ELP4: variants seen among roughly 807,000 people sequenced by gnomAD.
ELP4 encodes the protein elongator acetyltransferase complex subunit 4.
Under a neutral mutation model 48.9 loss-of-function variants are expected in ELP4, and 51 were observed. That is an observed-to-expected ratio of 1.04 (90% CI 0.83 to 1.32). The LOEUF is 1.32. ELP4 is among the 40% of genes most tolerant of loss of function. ELP4 has a pLI of 0.00. For synonymous variants in ELP4, 210 were observed against 189.2 expected (o/e 1.11, Z -0.90); for missense variants, 519 against 514.6 (o/e 1.01, Z -0.08).
In ELP4 at chr11:31,668,526, A is replaced by G. The variant is rs1945727601; in HGVS notation, c.1143+18305A>G. Among the ~76,000 whole-genome samples the G allele has an allele frequency of 4.1e-5, 6 of 147,796 alleles. 1 individual carries two copies. The Admixed American group carries it at 4.1e-4, about 10-fold the overall frequency. ...TTTCCCCAAGAGACAAGGGCTGGCT[A>G]TGTTGCCCAGGCTTGACTCAAACTC... On this transcript the variant is annotated intron_variant, in intron 9 of 9. Coordinates refer to ENST00000640961, the MANE Select transcript of ELP4 (RefSeq NM_019040.5).
At chr11:31,514,641 G>A (rs1267825269) in intron 1 of ELP4, among the ~76,000 whole-genome samples, 1 of 152,098 alleles carries the variant, frequency 6.6e-6, no homozygotes, top group African/African-American at 2.4e-5. Context: ...ATTGTATTGG[G>A]AAAAGATATT....
chr11:31,757,546 C>T (rs533875375), intron 9 of ELP4, among the ~76,000 whole-genome samples: 3 of 152,196 alleles, frequency 2.0e-5, no homozygotes, highest in East Asian at 1.9e-4. Flanking sequence ...TTCAGCTTGC[C>T]GTGTTTCTTT....
chr11:31,677,364 C>T (rs1332058521), intron 9 of ELP4, among the ~76,000 whole-genome samples: 1 of 152,134 alleles, frequency 6.6e-6, no homozygotes, highest in Admixed American at 6.5e-5. Context: ...GAAAGGAGAA[C>T]TTGCAGACTG....
chr11:31,659,761 A>G (rs911951844), intron 9 of ELP4, among the ~76,000 whole-genome samples: 1 of 151,960 alleles, frequency 6.6e-6, no homozygotes, highest in Non-Finnish European at 1.5e-5. Context: ...GCCGAGGTAG[A>G]TGGATCACTT....
chr11:31,575,919 G>T (rs943993443), intron 3 of ELP4, among the ~76,000 whole-genome samples: 4 of 152,070 alleles, frequency 2.6e-5, no homozygotes, highest in Admixed American at 2.6e-4. Context: ...AATAATGACA[G>T]GATCAAATTC....
intron 3 of ELP4, among the ~76,000 whole-genome samples, chr11:31,558,241 T>TA (rs199571622): frequency 4.0e-5 from 6 of 150,652 alleles, no homozygotes; most frequent in Non-Finnish European, 5.9e-5. Context: ...GTAAAAAGAC[T>TA]AAAAAAAAAC....
intron 1 of ELP4, 136 bp from the exon 2 acceptor site, chr11:31,519,920 C>G (rs1956184944): frequency 1.5e-6 from 1 of 667,652 alleles, no homozygotes; most frequent in Admixed American, 3.1e-5. Context: ...CAAAGTATTG[C>G]AAAGGTAATT....
intron 9 of ELP4, among the ~76,000 whole-genome samples, chr11:31,728,450 T>G (rs971977899): frequency 4.6e-5 from 7 of 152,152 alleles, no homozygotes; most frequent in Non-Finnish European, 8.8e-5. Context: ...AGTACCCTAA[T>G]TGTGACAAAC....
At chr11:31,560,398 A>G (rs1217950295) in intron 3 of ELP4, among the ~76,000 whole-genome samples, 1 of 152,028 alleles carries the variant, frequency 6.6e-6, no homozygotes, top group Non-Finnish European at 1.5e-5. Flanking sequence ...TTTAGTTCAT[A>G]TTCAATAGGG....
At chr11:31,706,362 G>A (rs958288372) in intron 9 of ELP4, among the ~76,000 whole-genome samples, 4 of 151,574 alleles carry the variant, frequency 2.6e-5, no homozygotes, top group African/African-American at 9.7e-5. Context: ...AGACATGGTG[G>A]CTCATGCCTA....
intron 9 of ELP4, among the ~76,000 whole-genome samples, chr11:31,751,769 C>T (rs189300080): frequency 6.6e-6 from 1 of 152,210 alleles, no homozygotes; most frequent in African/African-American, 2.4e-5. Flanking sequence ...CTCTAATGTT[C>T]CCTGTCTCAA....
chr11:31,718,822 A>G (rs1231961875), intron 9 of ELP4, among the ~76,000 whole-genome samples: 1 of 152,246 alleles, frequency 6.6e-6, no homozygotes, highest in East Asian at 1.9e-4. Context: ...AAGCTATCAC[A>G]TCTGCCGTAC....
At position 31,510,020 on chromosome 11, in the gene ELP4, C is replaced by T. The variant is rs1185534394; in HGVS notation, c.223+13C>T. On this transcript the variant is annotated intron_variant, in intron 1 of 9. Coordinates refer to ENST00000640961, the MANE Select transcript of ELP4 (RefSeq NM_019040.5). ...GACCAGCTCTTAGGTCGGTTCAGAG[C>T]GGAGATCTGGGCTCAGCCGAGGGGA... 6.2e-7 allele frequency: 1 copy of T among 1,604,656 alleles called. No individual in the cohort carries two copies. The highest frequency in any genetic ancestry group is 8.5e-7 in the Non-Finnish European group (1 of 1,175,202).
intron 3 of ELP4, among the ~76,000 whole-genome samples, chr11:31,545,938 G>A (rs902972538): frequency 6.6e-5 from 10 of 151,646 alleles, no homozygotes; most frequent in African/African-American, 1.7e-4. Flanking sequence ...AAATGCTGAG[G>A]GATTTTGTCA....
At chr11:31,714,463 G>A (rs1159673484) in intron 9 of ELP4, among the ~76,000 whole-genome samples, 1 of 152,082 alleles carries the variant, frequency 6.6e-6, no homozygotes, top group African/African-American at 2.4e-5. Flanking sequence ...AAATATCACT[G>A]TTGACTCATA....
At chr11:31,527,038 T>G (rs1364371369) in intron 2 of ELP4, among the ~76,000 whole-genome samples, 1 of 152,052 alleles carries the variant, frequency 6.6e-6, no homozygotes, top group Non-Finnish European at 1.5e-5. Context: ...TGAAACCACC[T>G]TAATGACTTT....
intron 5 of ELP4, among the ~76,000 whole-genome samples, chr11:31,625,900 A>G (rs1399812682): frequency 1.3e-5 from 2 of 151,920 alleles, no homozygotes; most frequent in Non-Finnish European, 2.9e-5. Context: ...CTCATGAAAA[A>G]AAGTGTCTAT....
At chr11:31,680,983 A>G (rs1946040021) in intron 9 of ELP4, among the ~76,000 whole-genome samples, 1 of 152,230 alleles carries the variant, frequency 6.6e-6, no homozygotes, top group African/African-American at 2.4e-5. Flanking sequence ...AAAAAAAGAT[A>G]AAGTGTGATC....
In ELP4 at chr11:31,519,080, G is replaced by A. The variant is rs1956167703; in HGVS notation, c.224-976G>A. Among the ~76,000 whole-genome samples the A allele has an allele frequency of 2.0e-5, 3 of 152,098 alleles. No homozygotes were observed. The South Asian group carries it at 6.2e-4, about 32-fold the overall frequency. On this transcript the variant is annotated intron_variant, in intron 1 of 9. Transcript: ENST00000640961. ...TCCGCCCACTTCAGCCTCCCAAAGTGCTAAGATTACAGGCCTGAGCCACTG... is the reference window on the plus strand; with the variant it reads ...TCCGCCCACTTCAGCCTCCCAAAGTACTAAGATTACAGGCCTGAGCCACTG...
Sources: allele counts gnomAD v4.1 joint callset (sites outside exome capture counted in the v4.1 genomes callset), GRCh38; gene constraint gnomAD v4.1.1; transcripts MANE v1.5; gene names NCBI Gene and HGNC (gene_info 2026-07-23, HGNC 2026-07-21).